Variants in MARCO observed in about 807,000 individuals in gnomAD.
MARCO encodes the protein macrophage receptor MARCO.
MARCO carries 72 observed loss-of-function variants against 70.0 expected under a neutral mutation model. The ratio of observed to expected loss-of-function variants is 1.03; its 90% CI spans 0.85 to 1.25. The LOEUF is 1.25. MARCO is among the 50% of genes most tolerant of loss of function. The pLI, the probability that MARCO is intolerant of heterozygous loss-of-function variation, is 0.00. For missense variants in MARCO, 696 were observed against 659.3 expected (o/e 1.06, Z -0.61); for synonymous variants, 273 against 243.1 (o/e 1.12, Z -1.14).
At chr2:118,966,738 T>C (rs1178564223) in intron 1 of MARCO, among the ~76,000 whole-genome samples, 2 of 152,234 alleles carry the variant, frequency 1.3e-5, no homozygotes, top group Non-Finnish European at 2.9e-5. Context: ...GTAATACCTG[T>C]GTCTCTGAAG....
chr2:118,968,527 A>C (rs926000548), intron 1 of MARCO, among the ~76,000 whole-genome samples: 1 of 152,194 alleles, frequency 6.6e-6, no homozygotes, highest in Non-Finnish European at 1.5e-5. Flanking sequence ...TGGGAGGAAG[A>C]CCACACCCCA....
At chr2:118,981,791 G>A in intron 10 of MARCO, 135 bp downstream of exon 10, 1 of 931,416 alleles carries the variant, frequency 1.1e-6, no homozygotes, top group South Asian at 1.5e-5. Context: ...TAGACATCTG[G>A]CCCTGGCCAA....
chr2:118,960,020 G>A (rs1679912076), intron 1 of MARCO, among the ~76,000 whole-genome samples: 1 of 151,898 alleles, frequency 6.6e-6, no homozygotes, highest in African/African-American at 2.4e-5. Context: ...TACTGCTTGG[G>A]TGATGGGTGC....
At chr2:118,974,182 G>C (rs970120484) in intron 4 of MARCO, 151 bp from the exon 5 acceptor site, 1 of 653,914 alleles carries the variant, frequency 1.5e-6, no homozygotes. Flanking sequence ...CTTGCAGGAG[G>C]AGCTCTGTCT....
At chr2:118,967,752 G>A (rs931838567) in intron 1 of MARCO, among the ~76,000 whole-genome samples, 1 of 152,162 alleles carries the variant, frequency 6.6e-6, no homozygotes, top group African/African-American at 2.4e-5. Context: ...AGGAGCTGCA[G>A]GTGATAGGAA....
In MARCO at chr2:118,994,503, G is replaced by T; in HGVS notation, c.1546G>T (p.Val516Leu). ...HDCSHEEDAGVECSV is the reference protein window; with the variant it reads ...HDCSHEEDAGLECSV ...CTGCAGCCACGAGGAGGACGCAGGC[G>T]TGGAGTGCAGCGTCTGACCCGGAAA... Residue 516 changes from valine to leucine, a missense_variant, in exon 17 of 17, where the codon GTG becomes TTG. Val to Leu is a conservative substitution (Grantham distance 32, BLOSUM62 1). Transcript: ENST00000327097. The T allele has an allele frequency of 1.2e-6, 2 of 1,602,438 alleles. No homozygotes were observed. Among genetic ancestry groups the T allele is most frequent in the Non-Finnish European group, 1.7e-6 (2 of 1,173,646 alleles).
rs867471755 is a variant in MARCO at position 118,980,901 on chromosome 2, T to A, written c.767-508T>A. On this transcript the variant is annotated intron_variant, in intron 8 of 16. Coordinates refer to ENST00000327097, the MANE Select transcript of MARCO (RefSeq NM_006770.4). ...GGGACAGGCTAGGATGAGCTCTGAA[T>A]TCTGATGATAAGTGGAAAATTTGAA... Among the ~76,000 whole-genome samples, 20 of 152,142 alleles carry A rather than the reference T, an allele frequency of 1.3e-4. 1 individual carries two copies. Among genetic ancestry groups the A allele is most frequent in the Admixed American group, 7.9e-4 (12 of 15,272 alleles).
At chr2:118,984,765 AATCTCCCC>A (rs1680454226) in intron 12 of MARCO, among the ~76,000 whole-genome samples, 1 of 152,186 alleles carries the variant, frequency 6.6e-6, no homozygotes, top group Non-Finnish European at 1.5e-5. Context: ...GTGGGAGCCC[AATCTCCCC>A]ATCATGGAGC....
At position 118,974,403 on chromosome 2, in the gene MARCO, G is replaced by T. The variant is rs760851233; in HGVS notation, c.531G>T (p.Lys177Asn). ...APGPPGPPAE[K>N]GAKGAMGRDG... ...GCCCGCCGGGACCACCTGCTGAGAA[G>T]GGAGCCAAGGGGGCTATGGGACGAG... Residue 177 changes from lysine to asparagine, a missense_variant, in exon 5 of 17, where the codon AAG becomes AAT. Lys to Asn is a moderately conservative substitution (Grantham distance 94). Around this residue, in one of 3 missense-constraint regions of MARCO, gnomAD observed 605 missense variants for 537.6 expected, o/e 1.13. Coordinates refer to ENST00000327097, the MANE Select transcript of MARCO (RefSeq NM_006770.4). 6.2e-7 allele frequency: 1 copy of T among 1,612,788 alleles called. No individual in the cohort carries two copies. The highest frequency in any genetic ancestry group is 2.2e-5 in the East Asian group (1 of 44,848).
chr2:118,981,058 T>A (rs1400085097), intron 8 of MARCO, among the ~76,000 whole-genome samples: 1 of 152,188 alleles, frequency 6.6e-6, no homozygotes, highest in Admixed American at 6.5e-5. Context: ...AATACTCAGG[T>A]TTCAATTTTT....
chr2:118,949,932 C>T (rs1235347068), intron 1 of MARCO: 2 of 152,108 alleles, frequency 1.3e-5, no homozygotes, highest in Non-Finnish European at 2.9e-5. Context: ...CCTTTTGTTT[C>T]AAGGGAAGAG....
intron 16 of MARCO, among the ~76,000 whole-genome samples, 157 bp from the exon 17 acceptor site, chr2:118,994,230 C>G (rs557351360): frequency 6.6e-6 from 1 of 152,204 alleles, no homozygotes; most frequent in African/African-American, 2.4e-5. Flanking sequence ...CAAAAACAGG[C>G]TAAGCCAGCC....
chr2:118,951,006 C>G (rs1346400433), intron 1 of MARCO, among the ~76,000 whole-genome samples: 8 of 152,072 alleles, frequency 5.3e-5, no homozygotes, highest in African/African-American at 1.9e-4. Flanking sequence ...TAATTTAGTC[C>G]AAATTTAACT....
chr2:118,968,071 G>T (rs12997753), intron 1 of MARCO, among the ~76,000 whole-genome samples: 4,349 of 152,282 alleles, frequency 0.029, 81 homozygotes, highest in Middle Eastern at 0.054. Context: ...TGCCTACCTT[G>T]CAGGGTTGCT....
intron 4 of MARCO, among the ~76,000 whole-genome samples, chr2:118,973,223 T>TCC (rs1186040814): frequency 6.6e-6 from 1 of 152,100 alleles, no homozygotes; most frequent in East Asian, 1.9e-4. Flanking sequence ...TGTCTCTCTC[T>TCC]CTGTCTCTCT....
intron 6 of MARCO, among the ~76,000 whole-genome samples, chr2:118,975,726 A>G (rs377651296): frequency 2.2e-4 from 34 of 152,186 alleles, no homozygotes; most frequent in African/African-American, 8.2e-4. Context: ...ACACTCATGC[A>G]CACACATGCA....
intron 14 of MARCO, among the ~76,000 whole-genome samples, 198 bp downstream of exon 14, chr2:118,992,073 G>A (rs1457994498): frequency 2.6e-5 from 4 of 152,290 alleles, no homozygotes; most frequent in Admixed American, 2.0e-4. Flanking sequence ...CGGGTTAGGC[G>A]CAGCTCTAGC....
chr2:118,953,726 C>T (rs1410634505), intron 1 of MARCO, among the ~76,000 whole-genome samples: 1 of 152,164 alleles, frequency 6.6e-6, no homozygotes, highest in Admixed American at 6.5e-5. Context: ...AGTAGACACC[C>T]CAAATACTGC....
chr2:118,958,054 G>A (rs528963076), intron 1 of MARCO, among the ~76,000 whole-genome samples: 25 of 151,944 alleles, frequency 1.6e-4, no homozygotes, highest in African/African-American at 5.8e-4. Flanking sequence ...ATACTGAATG[G>A]GGAAAAATTG....
Sources: allele counts gnomAD v4.1 joint callset (sites outside exome capture counted in the v4.1 genomes callset), GRCh38; gene constraint gnomAD v4.1.1; regional missense constraint gnomAD v4.1.1; transcripts MANE v1.5; gene names NCBI Gene and HGNC (gene_info 2026-07-23, HGNC 2026-07-21).